ESR1: variants seen among roughly 807,000 people sequenced by gnomAD.
The protein encoded by ESR1 is estrogen receptor.
ESR1 carries 12 observed loss-of-function variants against 52.7 expected under a neutral mutation model. That is an observed-to-expected ratio of 0.23 (90% CI 0.15 to 0.37). ESR1 has a LOEUF of 0.37. ESR1 is among the 10% of genes least tolerant of loss of function. ESR1 has a pLI of 1.00. For missense variants in ESR1, 584 were observed against 779.7 expected (o/e 0.75, Z 2.99); for synonymous variants, 305 against 316.8 (o/e 0.96, Z 0.39).
At chr6:151,763,662 G>A (rs1465441460) in intron 2 of ESR1, among the ~76,000 whole-genome samples, 22 of 152,160 alleles carry the variant, frequency 1.4e-4, no homozygotes, top group Admixed American at 1.2e-3. Context: ...TTTGTCGTTG[G>A]TCGTTATGTC....
intron 4 of ESR1, among the ~76,000 whole-genome samples, chr6:151,996,148 C>T (rs1336428980): frequency 6.6e-6 from 1 of 152,158 alleles, no homozygotes; most frequent in South Asian, 2.1e-4. Context: ...CCCTGATAGT[C>T]TGTATGGGAC....
intron 6 of ESR1, among the ~76,000 whole-genome samples, chr6:152,080,850 A>T (rs566506845): frequency 6.6e-6 from 1 of 152,326 alleles, no homozygotes; most frequent in South Asian, 2.1e-4. Flanking sequence ...TTGCAATCCC[A>T]GTCTCTGATA....
intron 4 of ESR1, among the ~76,000 whole-genome samples, chr6:151,971,876 T>G (rs561672369): frequency 7.2e-5 from 11 of 152,284 alleles, no homozygotes; most frequent in South Asian, 2.1e-4. Context: ...AAAGGCTGTT[T>G]TTTTGAAAAG....
chr6:151,697,582 GAA>G (rs1357301548), intron 1 of ESR1, among the ~76,000 whole-genome samples: 1 of 152,186 alleles, frequency 6.6e-6, no homozygotes, highest in Non-Finnish European at 1.5e-5. Context: ...AGATGCAGAA[GAA>G]AATGATCATA....
At chr6:151,927,485 G>T (rs2032935929) in intron 3 of ESR1, among the ~76,000 whole-genome samples, 1 of 152,046 alleles carries the variant, frequency 6.6e-6, no homozygotes. Context: ...TCTTTAGAAG[G>T]TAATTAGTTA....
At chr6:151,896,932 G>A (rs1007496635) in intron 3 of ESR1, among the ~76,000 whole-genome samples, 1 of 151,996 alleles carries the variant, frequency 6.6e-6, no homozygotes, top group Non-Finnish European at 1.5e-5. Context: ...TGATTTCATT[G>A]TTGACCCAAT....
In ESR1 at chr6:151,920,634, C is replaced by A. The variant is rs369124673; in HGVS notation, c.761-23539C>A. Among the ~76,000 whole-genome samples the A allele has an allele frequency of 3.3e-3, 501 of 151,862 alleles. 2 individuals are homozygous for A. Among genetic ancestry groups the A allele is most frequent in the African/African-American group, 0.012 (479 of 41,488 alleles). ...CTGAGACTTTCATTGTTTTTGATAC[C>A]CCAGGTAGTTTAGGCATTTTGTAGA... is the stretch of plus-strand genomic sequence containing the variant. On this transcript the variant is annotated intron_variant, in intron 3 of 7. Transcript: ENST00000206249.
chr6:151,878,795 A>G (rs1439777658), intron 2 of ESR1, among the ~76,000 whole-genome samples: 1 of 152,196 alleles, frequency 6.6e-6, no homozygotes, highest in Non-Finnish European at 1.5e-5. Context: ...AGACTTATGC[A>G]GACAGACTTT....
At chr6:152,048,222 T>A (rs1031698418) in intron 5 of ESR1, among the ~76,000 whole-genome samples, 16 of 151,342 alleles carry the variant, frequency 1.1e-4, no homozygotes, top group Non-Finnish European at 2.2e-4. Flanking sequence ...TACAAAAAAA[T>A]TTAGCCAGGC....
intron 2 of ESR1, among the ~76,000 whole-genome samples, chr6:151,853,120 C>T (rs1322239192): frequency 1.3e-4 from 17 of 127,076 alleles, no homozygotes; most frequent in African/African-American, 4.0e-4. Flanking sequence ...TGTAGTGAGC[C>T]GAGATTGCAC....
At chr6:152,044,863 A>G (rs2046099966) in intron 5 of ESR1, among the ~76,000 whole-genome samples, 1 of 152,142 alleles carries the variant, frequency 6.6e-6, no homozygotes, top group South Asian at 2.1e-4. Flanking sequence ...CAACACCCTC[A>G]CAGACTCACT....
chr6:152,109,998 G>C (rs1234310966), intron 6 of ESR1, among the ~76,000 whole-genome samples: 2 of 152,134 alleles, frequency 1.3e-5, no homozygotes. Context: ...ACACACAAAA[G>C]CTACGTACCA....
chr6:151,812,860 C>A (rs1431267315), intron 1 of ESR1, among the ~76,000 whole-genome samples: 1 of 152,030 alleles, frequency 6.6e-6, no homozygotes, highest in African/African-American at 2.4e-5. Flanking sequence ...TTGAAACCAG[C>A]CAAAGCGAAA....
At chr6:151,928,197 C>T (rs1042322157) in intron 3 of ESR1, among the ~76,000 whole-genome samples, 7 of 152,292 alleles carry the variant, frequency 4.6e-5, no homozygotes, top group Admixed American at 2.0e-4. Flanking sequence ...AGTACATCCA[C>T]TGTAATTTGA....
intron 1 of ESR1, among the ~76,000 whole-genome samples, chr6:151,836,198 A>C (rs542514043): frequency 6.6e-6 from 1 of 152,362 alleles, no homozygotes; most frequent in African/African-American, 2.4e-5. Flanking sequence ...TAGGAGATAT[A>C]TTTAGCAAAT....
At chr6:151,817,198 A>T (rs910217972) in intron 1 of ESR1, among the ~76,000 whole-genome samples, 2 of 152,202 alleles carry the variant, frequency 1.3e-5, no homozygotes, top group African/African-American at 2.4e-5. Flanking sequence ...ATGATTAAAA[A>T]ACTACTGAGA....
At chr6:151,841,378 T>G (rs1372833433) in intron 1 of ESR1, among the ~76,000 whole-genome samples, 1 of 152,238 alleles carries the variant, frequency 6.6e-6, no homozygotes, top group Admixed American at 6.5e-5. Flanking sequence ...CCTGTACCTG[T>G]CTAAGGAAAC....
chr6:151,936,167 CAGAG>C (rs899359465), intron 3 of ESR1: 1 of 152,196 alleles, frequency 6.6e-6, no homozygotes, highest in Non-Finnish European at 1.5e-5. Flanking sequence ...TAATCTGTAT[CAGAG>C]AGCATCATTA....
chr6:152,106,928 C>T (rs915843534), downstream of ESR1, among the ~76,000 whole-genome samples: 7 of 151,462 alleles, frequency 4.6e-5, no homozygotes, highest in African/African-American at 1.7e-4. Context: ...TATATCATCC[C>T]ATTGTCTTCA....
Sources: allele counts gnomAD v4.1 joint callset (sites outside exome capture counted in the v4.1 genomes callset), GRCh38; gene constraint gnomAD v4.1.1; transcripts MANE v1.5; gene names NCBI Gene and HGNC (gene_info 2026-07-23, HGNC 2026-07-21).